The following KIF6 variants were observed in gnomAD, a reference collection of about 807,000 sequenced individuals.
The protein encoded by KIF6 is kinesin-like protein KIF6.
In KIF6, 106 loss-of-function variants were observed where a neutral mutation model predicts 112.7. The observed-to-expected ratio is 0.94, with a 90% CI of 0.80 to 1.11. The LOEUF (loss-of-function observed/expected upper bound fraction) is 1.11. Ranked by LOEUF, KIF6 falls within the 50% of genes least tolerant of loss-of-function variation. The probability of loss-of-function intolerance (pLI) is 0.00; values close to 1 mark genes in which losing one functional copy is unlikely to be tolerated. For missense variants in KIF6, 929 were observed against 964.0 expected (o/e 0.96, Z 0.48); for synonymous variants, 339 against 339.9 (o/e 1.00, Z 0.03).
In KIF6 at chr6:39,719,793, T is replaced by C. The variant is rs541730926; in HGVS notation, c.176+909A>G. Among the ~76,000 whole-genome samples the C allele has an allele frequency of 5.3e-5, 8 of 152,268 alleles. 1 individual carries two copies. In the South Asian group the frequency reaches 1.7e-3, roughly 32 times the overall value. The stretch of plus-strand genomic sequence containing the variant: ...CCTAAATGTGAGGGCATATGTAATT[T>C]AAAATTTTCTACTAGCCACGTTTTT... On this transcript the variant is annotated intron_variant, in intron 2 of 22. Coordinates refer to ENST00000287152, the MANE Select transcript of KIF6 (RefSeq NM_145027.6).
intron 13 of KIF6, among the ~76,000 whole-genome samples, chr6:39,455,566 T>A (rs1773022378): frequency 6.6e-6 from 1 of 151,792 alleles, no homozygotes; most frequent in Non-Finnish European, 1.5e-5. Flanking sequence ...ACGATCAAAT[T>A]ACTCTGAGCT....
intron 13 of KIF6, among the ~76,000 whole-genome samples, chr6:39,534,794 G>A (rs1249467519): frequency 6.6e-6 from 1 of 152,210 alleles, no homozygotes. Context: ...AGGAAAAAAT[G>A]TTAAGGGCAG....
At chr6:39,643,620 T>A (rs1404586463) in intron 3 of KIF6, among the ~76,000 whole-genome samples, 1 of 152,106 alleles carries the variant, frequency 6.6e-6, no homozygotes, top group East Asian at 1.9e-4. Flanking sequence ...GATATCCACA[T>A]GAAAAAGAAT....
chr6:39,582,363 C>T (rs1442222358), intron 9 of KIF6, among the ~76,000 whole-genome samples: 3 of 152,090 alleles, frequency 2.0e-5, no homozygotes, highest in Non-Finnish European at 4.4e-5. Flanking sequence ...TCTTTTACCA[C>T]CTTGTCTCTC....
At position 39,378,279 on chromosome 6, in the gene KIF6, CACAT is replaced by C. The variant is rs1181707662; in HGVS notation, c.1861+7339_1861+7342del. The stretch of plus-strand genomic sequence containing the variant: ...CACACACAAACCCACAAACCACACA[CACAT>C]ACACACCACACACACAAGCACAAAA... On this transcript the variant is annotated intron_variant, in intron 16 of 22. Transcript: ENST00000287152. The surrounding 1 kb of genome is among the most constrained non-coding windows in gnomAD (Gnocchi z 5.0). 2.0e-5 allele frequency among the ~76,000 whole-genome samples: 3 copies of C among 151,858 alleles called. No homozygotes were observed. Among genetic ancestry groups the C allele is most frequent in the African/African-American group, 4.8e-5 (2 of 41,316 alleles).
Position 39,705,156 on chromosome 6 carries a change from C to T in KIF6, c.251+9536G>A, listed in dbSNP as rs147285012. ...ATCACCCCACAGCCTAGCTGTAGGC[C>T]TAGGTGAGTGAATCTCAAACCTTAG... On this transcript the variant is annotated intron_variant, in intron 3 of 22. Coordinates refer to ENST00000287152, the MANE Select transcript of KIF6 (RefSeq NM_145027.6). 2.8e-3 allele frequency among the ~76,000 whole-genome samples: 421 copies of T among 152,320 alleles called. 1 individual carries two copies. The highest frequency in any genetic ancestry group is 4.4e-3 in the Non-Finnish European group (302 of 68,038).
intron 3 of KIF6, among the ~76,000 whole-genome samples, chr6:39,703,088 A>AC (rs1554151209): frequency 3.4e-4 from 1 of 2,936 alleles, no homozygotes; most frequent in Non-Finnish European, 1.7e-3. Context: ...CCCCACCCCC[A>AC]CTCCCGGCCA....
At chr6:39,579,206 G>A (rs1392771883) in intron 9 of KIF6, among the ~76,000 whole-genome samples, 1 of 152,144 alleles carries the variant, frequency 6.6e-6, no homozygotes, top group Admixed American at 6.5e-5. Context: ...AACTACAGAT[G>A]TAAGTTCCTG....
rs1296374575 is a variant in KIF6 at position 39,357,382 on chromosome 6, C to T, written c.2083-8G>A. The T allele has an allele frequency of 1.9e-6, 3 of 1,591,482 alleles. No homozygotes were observed. The highest frequency in any genetic ancestry group is 2.2e-5 in the East Asian group (1 of 44,746). The stretch of plus-strand genomic sequence containing the variant: ...CACTGCTGGAGAATTTACCTGTTGG[C>T]CCCAGAAGGAGTTTCACAGTGTTAG... On this transcript the variant is annotated splice_polypyrimidine_tract_variant and splice_region_variant and intron_variant, in intron 18 of 22. Coordinates refer to ENST00000287152, the MANE Select transcript of KIF6 (RefSeq NM_145027.6).
chr6:39,648,014 GT>G (rs1205588729), intron 3 of KIF6, among the ~76,000 whole-genome samples: 1 of 146,298 alleles, frequency 6.8e-6, no homozygotes, highest in Non-Finnish European at 1.5e-5. Flanking sequence ...CCCAGCTAAT[GT>G]TTTTTAACTT....
intron 12 of KIF6, among the ~76,000 whole-genome samples, chr6:39,541,344 A>T (rs1257024505): frequency 6.6e-6 from 1 of 152,326 alleles, no homozygotes; most frequent in East Asian, 1.9e-4. Flanking sequence ...AACAACATGT[A>T]CTTACCAAAA....
rs368284457 is a variant in KIF6 at position 39,336,469 on chromosome 6, C to G, written c.*63G>C. The G allele has an allele frequency of 6.6e-7, 1 of 1,521,472 alleles. No individual in the cohort carries two copies. Among genetic ancestry groups the G allele is most frequent in the African/African-American group, 1.4e-5 (1 of 73,242 alleles). The allele number at this position is 1,521,472 out of a possible 1,614,324, so 94.2% of individuals were successfully genotyped here. A position where few individuals can be genotyped will look rare whatever the true frequency, so the allele number is the denominator to read the frequency against. On this transcript the variant is annotated 3_prime_UTR_variant, in exon 23 of 23. Coordinates refer to ENST00000287152, the MANE Select transcript of KIF6 (RefSeq NM_145027.6). ...TTCTGAAGCCAGAGCAAGTGAGGGG[C>G]GCTGCCTTCATCTGTGCTTCATTCT...
intron 15 of KIF6, among the ~76,000 whole-genome samples, chr6:39,407,047 TGC>T (rs570572263): frequency 1.3e-5 from 2 of 152,170 alleles, no homozygotes; most frequent in Admixed American, 1.3e-4. Context: ...TGAGCCACTG[TGC>T]CCAGCTTCAA....
At chr6:39,649,746 A>AAAGT (rs1785365929) in intron 3 of KIF6, among the ~76,000 whole-genome samples, 1 of 103,828 alleles carries the variant, frequency 9.6e-6, no homozygotes, top group Non-Finnish European at 2.4e-5. Flanking sequence ...AGAAAGAAAG[A>AAAGT]AAGAAAGAAA....
At chr6:39,612,237 C>T (rs750990386) in intron 6 of KIF6, among the ~76,000 whole-genome samples, 2 of 152,160 alleles carry the variant, frequency 1.3e-5, no homozygotes, top group South Asian at 2.1e-4. Context: ...AGATTTTTCT[C>T]GGACTACTTA....
At chr6:39,527,956 TATC>T (rs1777827263) in intron 13 of KIF6, among the ~76,000 whole-genome samples, 2 of 152,360 alleles carry the variant, frequency 1.3e-5, no homozygotes, top group African/African-American at 4.8e-5. Context: ...TTCAAATACT[TATC>T]ATTTCTTTGT....
chr6:39,605,636 C>G (rs1782842904), intron 6 of KIF6, among the ~76,000 whole-genome samples: 1 of 152,036 alleles, frequency 6.6e-6, no homozygotes, highest in Non-Finnish European at 1.5e-5. Flanking sequence ...GGATAGCACT[C>G]AATGCAATCT....
intron 10 of KIF6, among the ~76,000 whole-genome samples, chr6:39,555,711 G>A (rs773827907): frequency 3.3e-5 from 5 of 152,094 alleles, no homozygotes; most frequent in Non-Finnish European, 5.9e-5. Flanking sequence ...CCAGCACTTT[G>A]GGAGGCTGAG....
chr6:39,520,300 T>C (rs1777317665), intron 13 of KIF6, among the ~76,000 whole-genome samples: 1 of 152,216 alleles, frequency 6.6e-6, no homozygotes, highest in South Asian at 2.1e-4. Flanking sequence ...GACCCACTTA[T>C]AGGAAAAAAT....
Sources: gnomAD v4.1 joint callset for allele counts (sites outside exome capture counted in the v4.1 genomes callset) on GRCh38, gnomAD v4.1.1 for gene constraint, Gnocchi (gnomAD v3.1) non-coding constraint, MANE v1.5 for transcripts, NCBI Gene and HGNC (gene_info 2026-07-23, HGNC 2026-07-21) for gene names.